Variants in IHO1 observed in about 807,000 individuals in gnomAD.
IHO1 encodes interactor of HORMAD1 1, also known as interactor of HORMAD1 protein 1.
In IHO1, 13 loss-of-function variants were observed where a neutral mutation model predicts 31.0. The ratio of observed to expected loss-of-function variants is 0.42; its 90% CI spans 0.27 to 0.67. IHO1 has a LOEUF of 0.67. Among genes scored for constraint, IHO1 ranks in the 30% least tolerant of loss-of-function variants. The pLI is 0.24. For missense variants in IHO1, 599 were observed against 687.5 expected (o/e 0.87, Z 1.44); for synonymous variants, 221 against 248.4 (o/e 0.89, Z 1.04).
At chr3:49,196,459 T>C (rs1232168739), upstream of IHO1, among the ~76,000 whole-genome samples, 499 of 112,898 alleles carry the variant, frequency 4.4e-3, no homozygotes, top group Middle Eastern at 0.04. Context: ...GCTGAGACTA[T>C]AGGCGCCCAC....
chr3:49,219,587 G>A (rs2046327852), intron 2 of IHO1, among the ~76,000 whole-genome samples: 1 of 152,210 alleles, frequency 6.6e-6, no homozygotes, highest in Non-Finnish European at 1.5e-5. Flanking sequence ...ATTTCTGTGT[G>A]TGTGTCTTTA....
chr3:49,201,575 A>G (rs578246444), intron 1 of IHO1, among the ~76,000 whole-genome samples: 1 of 152,204 alleles, frequency 6.6e-6, no homozygotes. Flanking sequence ...GTGAGCCAAG[A>G]TCGCGCCACT....
intron 1 of IHO1, among the ~76,000 whole-genome samples, chr3:49,202,140 A>G (rs1335470413): frequency 6.6e-6 from 1 of 152,112 alleles, no homozygotes; most frequent in Non-Finnish European, 1.5e-5. Context: ...ATTCTAGTAA[A>G]CATGGATATC....
At chr3:49,200,325 CGT>C in intron 1 of IHO1, among the ~76,000 whole-genome samples, 1 of 151,500 alleles carries the variant, frequency 6.6e-6, no homozygotes, top group East Asian at 1.9e-4. Flanking sequence ...ATTAGCAGGG[CGT>C]GGTGGCGCAT....
intron 6 of IHO1, among the ~76,000 whole-genome samples, chr3:49,251,591 AGTT>A (rs1373931234): frequency 2.0e-5 from 3 of 149,866 alleles, no homozygotes; most frequent in Admixed American, 2.0e-4. Flanking sequence ...GACTTTACTT[AGTT>A]GTTGGTTTTT....
chr3:49,208,688 CTA>C (rs1480354335), intron 1 of IHO1, among the ~76,000 whole-genome samples: 3 of 152,280 alleles, frequency 2.0e-5, no homozygotes, highest in South Asian at 2.1e-4. Context: ...ATAATCACCT[CTA>C]TGTGTTTTTT....
Position 49,256,038 on chromosome 3 carries a change from G to T in IHO1, c.637-96G>T. On this transcript the variant is annotated intron_variant, in intron 7 of 7. Transcript: ENST00000452691. This position sits in a 1 kb window ranked among gnomAD's most constrained non-coding sequence, Gnocchi z 4.6. Reference sequence around the variant, plus strand: ...GGTTCCCTACAAGGAGCAAGCCTTGGTTCTGCTGTCACATCCATTGGTCTG... The same window carrying T: ...GGTTCCCTACAAGGAGCAAGCCTTGTTTCTGCTGTCACATCCATTGGTCTG... 1 of 1,091,348 alleles carries T rather than the reference G, an allele frequency of 9.2e-7. No homozygotes were observed. Among genetic ancestry groups the T allele is most frequent in the Non-Finnish European group, 1.3e-6 (1 of 751,424 alleles). The allele number at this position is 1,091,348 out of a possible 1,614,324, so 67.6% of individuals were successfully genotyped here.
intron 1 of IHO1, among the ~76,000 whole-genome samples, chr3:49,206,482 G>C (rs933870161): frequency 6.6e-6 from 1 of 151,962 alleles, no homozygotes. Context: ...CACCCACCTC[G>C]GCCTCCCAAA....
At chr3:49,191,836 A>G in the IHO1 span, 15 of 1,491,244 alleles carry the variant, frequency 1.0e-5, no homozygotes, top group Non-Finnish European at 1.4e-5. Flanking sequence ...TCTTCAGGAA[A>G]GAGAATCTCT....
chr3:49,232,950 A>G (rs559102158), intron 2 of IHO1, among the ~76,000 whole-genome samples: 2 of 152,340 alleles, frequency 1.3e-5, no homozygotes, highest in African/African-American at 4.8e-5. Context: ...TTACCATAAT[A>G]AATCTGCTCC....
chr3:49,191,822 G>T, the IHO1 span: 34 of 1,517,734 alleles, frequency 2.2e-5, no homozygotes, highest in Non-Finnish European at 2.8e-5. Flanking sequence ...TCTTTTGGAG[G>T]GTATCTTCAG....
At chr3:49,205,963 C>CTTTTTTTT (rs1370998010) in intron 1 of IHO1, among the ~76,000 whole-genome samples, 1 of 147,006 alleles carries the variant, frequency 6.8e-6, no homozygotes, top group Non-Finnish European at 1.5e-5. Context: ...TCTTTTCTTT[C>CTTTTTTTT]TTTCTTTTTT....
At chr3:49,249,825 C>A (rs972213985) in intron 6 of IHO1, among the ~76,000 whole-genome samples, 14 of 152,208 alleles carry the variant, frequency 9.2e-5, no homozygotes, top group Admixed American at 8.5e-4. Flanking sequence ...AAGGAGGCTG[C>A]CAGATCTTTT....
At chr3:49,245,587 G>A (rs1452066463) in intron 6 of IHO1, 1 of 152,224 alleles carries the variant, frequency 6.6e-6, no homozygotes, top group East Asian at 1.9e-4. Context: ...CCTATAAACA[G>A]AAGAGAGTAA....
In IHO1 at chr3:49,199,552, G is replaced by C. The variant is rs568891927; in HGVS notation, c.-37G>C. 9 of 152,138 alleles carry C rather than the reference G, an allele frequency of 5.9e-5. No individual in the cohort carries two copies. The East Asian group carries it at 1.4e-3, about 23-fold the overall frequency. The allele number at this position is 152,138 out of a possible 1,614,324, so 9.4% of individuals were successfully genotyped here. ...AGCCACGTCAGGGCAGCCCCAGGTCGGGCGCGTGCCAGCAGCCAGAGGTGG... is the reference window on the plus strand; with the variant it reads ...AGCCACGTCAGGGCAGCCCCAGGTCCGGCGCGTGCCAGCAGCCAGAGGTGG... On this transcript the variant is annotated 5_prime_UTR_variant, in exon 1 of 8. Coordinates refer to ENST00000452691, the MANE Select transcript of IHO1 (RefSeq NM_001135197.2).
chr3:49,237,667 T>C (rs1017494655), intron 3 of IHO1, among the ~76,000 whole-genome samples: 5 of 151,906 alleles, frequency 3.3e-5, no homozygotes. Flanking sequence ...TAAGTAAAAA[T>C]AGTTTTCATA....
At chr3:49,193,684 C>CCAGGTG (rs747732181), upstream of IHO1, among the ~76,000 whole-genome samples, 534 of 109,612 alleles carry the variant, frequency 4.9e-3, 3 homozygotes, top group Non-Finnish European at 8.0e-3. Context: ...AAAAAAAAGG[C>CCAGGTG]CAGGTGCAGT....
At chr3:49,252,994 T>C (rs962782485) in intron 6 of IHO1, among the ~76,000 whole-genome samples, 2 of 151,610 alleles carry the variant, frequency 1.3e-5, no homozygotes, top group Non-Finnish European at 2.9e-5. Flanking sequence ...TGAGCTGAGA[T>C]TGCACTACTG....
At chr3:49,226,490 T>C (rs1375353942) in intron 2 of IHO1, among the ~76,000 whole-genome samples, 2 of 152,180 alleles carry the variant, frequency 1.3e-5, no homozygotes, top group Admixed American at 1.3e-4. Context: ...TCATGGGCTT[T>C]TTCCTAATTC....
Sources: allele counts gnomAD v4.1 joint callset (sites outside exome capture counted in the v4.1 genomes callset), GRCh38; gene constraint gnomAD v4.1.1; non-coding constraint Gnocchi (gnomAD v3.1); transcripts MANE v1.5; gene names NCBI Gene and HGNC (gene_info 2026-07-23, HGNC 2026-07-21).